Variants in AKAP13 observed in about 807,000 individuals in gnomAD.
AKAP13 encodes A-kinase anchor protein 13.
A neutral mutation model predicts 264.5 loss-of-function variants in AKAP13; 80 were observed. The ratio of observed to expected loss-of-function variants is 0.30; its 90% CI spans 0.25 to 0.36. The LOEUF (loss-of-function observed/expected upper bound fraction) is 0.36, where lower values mean the gene tolerates loss of function less well. Among genes scored for constraint, AKAP13 ranks in the 10% least tolerant of loss-of-function variants. The probability of loss-of-function intolerance (pLI) is 1.00; values close to 1 mark genes in which losing one functional copy is unlikely to be tolerated. For missense variants in AKAP13, 3,712 were observed against 3,435.2 expected (o/e 1.08, Z -2.01); for synonymous variants, 1,380 against 1,250.2 (o/e 1.10, Z -2.19).
chr15:85,440,286 C>T lies in AKAP13; in HGVS notation c.-11-45424C>T, dbSNP rs113803961. On this transcript the variant is annotated intron_variant, in intron 1 of 36. Coordinates refer to ENST00000394518, the MANE Select transcript of AKAP13 (RefSeq NM_007200.5). The stretch of plus-strand genomic sequence containing the variant: ...CTTACTTGTTATAGACTTGTTCACA[C>T]AACTTTATAGCTCTGTTTCTGTCAG... 5.8e-4 allele frequency among the ~76,000 whole-genome samples: 88 copies of T among 152,212 alleles called. 1 individual carries two copies. The highest frequency in any genetic ancestry group is 9.7e-4 in the Non-Finnish European group (66 of 68,034).
At chr15:85,445,757 T>G (rs1229390494) in intron 1 of AKAP13, among the ~76,000 whole-genome samples, 2 of 152,156 alleles carry the variant, frequency 1.3e-5, no homozygotes, top group Non-Finnish European at 2.9e-5. Context: ...AGCTAAAAAT[T>G]ATTCATATTT....
chr15:85,447,150 C>T (rs2073927540), intron 1 of AKAP13, among the ~76,000 whole-genome samples: 1 of 151,950 alleles, frequency 6.6e-6, no homozygotes, highest in Admixed American at 6.6e-5. Context: ...ACCTGTAATC[C>T]CAGCTACTTG....
chr15:85,517,740 G>C (rs940236988), intron 2 of AKAP13, among the ~76,000 whole-genome samples: 2 of 152,080 alleles, frequency 1.3e-5, no homozygotes, highest in African/African-American at 4.8e-5. Flanking sequence ...TTATATGGGG[G>C]TGGGGGGAGC....
chr15:85,566,925 A>C (rs1287682869), intron 5 of AKAP13, among the ~76,000 whole-genome samples: 1 of 151,590 alleles, frequency 6.6e-6, no homozygotes, highest in Non-Finnish European at 1.5e-5. Context: ...ACTGTGCCTG[A>C]CCGGAAATGA....
At chr15:85,679,239 C>CA (rs559536369) in intron 14 of AKAP13, among the ~76,000 whole-genome samples, 1,532 of 136,446 alleles carry the variant, frequency 0.011, 14 homozygotes, top group Middle Eastern at 0.044. Context: ...GACTCCATCT[C>CA]AAAAAAAAAA....
At chr15:85,464,046 T>C (rs924682696) in intron 1 of AKAP13, among the ~76,000 whole-genome samples, 4 of 152,220 alleles carry the variant, frequency 2.6e-5, no homozygotes, top group African/African-American at 7.2e-5. Flanking sequence ...CTACTTCTTT[T>C]TGTCCTAGTT....
chr15:85,613,285 G>A (rs146727501), intron 8 of AKAP13, among the ~76,000 whole-genome samples: 2 of 152,240 alleles, frequency 1.3e-5, no homozygotes, highest in East Asian at 3.9e-4. Flanking sequence ...ATTAATTTCA[G>A]GAAGAAGTTT....
At chr15:85,611,625 C>CT (rs1286094569) in intron 8 of AKAP13, among the ~76,000 whole-genome samples, 1 of 152,230 alleles carries the variant, frequency 6.6e-6, no homozygotes, top group Non-Finnish European at 1.5e-5. Flanking sequence ...TCCCTTCTGT[C>CT]TTTTGAGCGT....
chr15:85,443,067 G>T (rs977438480), intron 1 of AKAP13, among the ~76,000 whole-genome samples: 145 of 152,260 alleles, frequency 9.5e-4, no homozygotes, highest in African/African-American at 3.3e-3. Flanking sequence ...GAAAACTTAA[G>T]TATCATTCAG....
intron 1 of AKAP13, among the ~76,000 whole-genome samples, chr15:85,394,538 TCAC>T (rs1367225735): frequency 6.6e-6 from 1 of 152,242 alleles, no homozygotes; most frequent in Non-Finnish European, 1.5e-5. Context: ...CTTTTATTTT[TCAC>T]TCTTGATTTA....
At chr15:85,498,585 A>G (rs1228682870) in intron 2 of AKAP13, among the ~76,000 whole-genome samples, 1 of 13,486 alleles carries the variant, frequency 7.4e-5, no homozygotes, top group Non-Finnish European at 2.3e-4. Context: ...CCCCAGGTTG[A>G]TACTATTGAA....
chr15:85,516,180 C>T (rs1057285664), intron 2 of AKAP13, among the ~76,000 whole-genome samples: 9 of 152,178 alleles, frequency 5.9e-5, no homozygotes, highest in African/African-American at 2.2e-4. Flanking sequence ...GGTGTACATC[C>T]TGGCACATTA....
At chr15:85,590,342 C>G (rs991478139) in intron 8 of AKAP13, among the ~76,000 whole-genome samples, 1 of 152,160 alleles carries the variant, frequency 6.6e-6, no homozygotes, top group East Asian at 1.9e-4. Flanking sequence ...GAACCTCTGT[C>G]GAGTGGCACT....
At chr15:85,614,111 C>A (rs2080832675) in intron 8 of AKAP13, among the ~76,000 whole-genome samples, 1 of 152,032 alleles carries the variant, frequency 6.6e-6, no homozygotes, top group Non-Finnish European at 1.5e-5. Flanking sequence ...TTAGTTATCC[C>A]AGTGTGCACC....
At chr15:85,407,173 A>G (rs1420607261) in intron 1 of AKAP13, among the ~76,000 whole-genome samples, 1 of 151,374 alleles carries the variant, frequency 6.6e-6, no homozygotes, top group Non-Finnish European at 1.5e-5. Flanking sequence ...ACTTTGTGGT[A>G]TACAGGCTTC....
chr15:85,680,743 T>G (rs1038975924), intron 14 of AKAP13, among the ~76,000 whole-genome samples: 7 of 151,986 alleles, frequency 4.6e-5, no homozygotes, highest in African/African-American at 1.7e-4. Flanking sequence ...ATAACTACAG[T>G]TTTGGATTTC....
chr15:85,455,936 G>A (rs1487676511), intron 1 of AKAP13, among the ~76,000 whole-genome samples: 1 of 152,152 alleles, frequency 6.6e-6, no homozygotes, highest in Non-Finnish European at 1.5e-5. Context: ...GTCAGATAGT[G>A]TGACTTATTT....
chr15:85,466,278 G>A (rs2074738619), intron 1 of AKAP13, among the ~76,000 whole-genome samples: 1 of 152,032 alleles, frequency 6.6e-6, no homozygotes, highest in Non-Finnish European at 1.5e-5. Context: ...ACTAGGTTGT[G>A]AAAATTTTCT....
At chr15:85,633,608 A>T (rs1029140084) in intron 8 of AKAP13, among the ~76,000 whole-genome samples, 3 of 138,652 alleles carry the variant, frequency 2.2e-5, no homozygotes, top group African/African-American at 8.1e-5. Flanking sequence ...CAGTGGCACA[A>T]TCTCGGCTTA....
Sources: allele counts gnomAD v4.1 joint callset (sites outside exome capture counted in the v4.1 genomes callset), GRCh38; gene constraint gnomAD v4.1.1; transcripts MANE v1.5; gene names NCBI Gene and HGNC (gene_info 2026-07-23, HGNC 2026-07-21).